The following HAT1 variants were observed in gnomAD, a reference collection of about 807,000 sequenced individuals.
HAT1 encodes histone acetyltransferase 1.
A neutral mutation model predicts 56.6 loss-of-function variants in HAT1; 20 were observed. The ratio of observed to expected loss-of-function variants is 0.35; its 90% CI spans 0.25 to 0.51. The LOEUF (loss-of-function observed/expected upper bound fraction) is 0.51, where lower values mean the gene tolerates loss of function less well. HAT1 is among the 20% of genes least tolerant of loss of function. The probability of loss-of-function intolerance (pLI) is 0.95; values close to 1 mark genes in which losing one functional copy is unlikely to be tolerated. For synonymous variants in HAT1, 146 were observed against 165.5 expected, an observed-to-expected ratio of 0.88 and a Z score of 0.91; for missense variants, 408 against 504.3, an observed-to-expected ratio of 0.81 and a Z score of 1.83.
At chr2:171,953,833 A>G (rs1687374752) in intron 4 of HAT1, among the ~76,000 whole-genome samples, 1 of 151,744 alleles carries the variant, frequency 6.6e-6, no homozygotes, top group Non-Finnish European at 1.5e-5. Flanking sequence ...CGTCTCTACT[A>G]AAAATACAAA....
At chr2:171,951,202 G>A (rs891642297) in intron 3 of HAT1, among the ~76,000 whole-genome samples, 1 of 152,142 alleles carries the variant, frequency 6.6e-6, no homozygotes, top group African/African-American at 2.4e-5. Context: ...GGCATTTTAT[G>A]TGCTTTCACA....
At chr2:171,955,089 G>A (rs62182443) in intron 4 of HAT1, among the ~76,000 whole-genome samples, 34,277 of 152,056 alleles carry the variant, frequency 0.23, 4,742 homozygotes, top group Middle Eastern at 0.37. Flanking sequence ...CCTCCAGACC[G>A]TAAGAGAATA....
intron 1 of HAT1, chr2:171,923,442 T>A (rs935144787): frequency 1.1e-4 from 16 of 150,924 alleles, no homozygotes; most frequent in Admixed American, 5.3e-4. Flanking sequence ...AAAAAAACAA[T>A]TTTTTTTAAC....
At chr2:171,970,938 C>T (rs1358107710) in intron 8 of HAT1, among the ~76,000 whole-genome samples, 4 of 151,922 alleles carry the variant, frequency 2.6e-5, no homozygotes, top group Non-Finnish European at 5.9e-5. Context: ...CCATGGCTCA[C>T]GCCTGTAATC....
intron 2 of HAT1, among the ~76,000 whole-genome samples, chr2:171,926,275 C>T (rs1226647836): frequency 6.6e-6 from 1 of 152,078 alleles, no homozygotes; most frequent in African/African-American, 2.4e-5. Context: ...GTGCACCACC[C>T]AAGCCTGGCT....
intron 2 of HAT1, among the ~76,000 whole-genome samples, chr2:171,929,080 A>T (rs115854633): frequency 0.025 from 3,734 of 152,320 alleles, 68 homozygotes; most frequent in Non-Finnish European, 0.039. Flanking sequence ...GTTATTCCAT[A>T]TCCTCACCAA....
At chr2:171,966,570 A>G in intron 7 of HAT1, 57 bp downstream of exon 7, 1 of 825,876 alleles carries the variant, frequency 1.2e-6, no homozygotes, top group Non-Finnish European at 2.2e-6. Flanking sequence ...GAACTGCTGA[A>G]GTTTCCAATA....
chr2:171,945,533 G>A (rs1318551659), intron 2 of HAT1, among the ~76,000 whole-genome samples: 8 of 137,222 alleles, frequency 5.8e-5, no homozygotes, highest in African/African-American at 1.7e-4. Flanking sequence ...AGTCTTTGTC[G>A]CCCAGGCTGG....
chr2:171,947,217 G>T (rs1456406131), intron 3 of HAT1, among the ~76,000 whole-genome samples: 3 of 151,990 alleles, frequency 2.0e-5, no homozygotes, highest in Non-Finnish European at 4.4e-5. Flanking sequence ...GTTATTCTAT[G>T]ATCAAATAAG....
intron 1 of HAT1, among the ~76,000 whole-genome samples, chr2:171,925,097 G>C: frequency 7.7e-6 from 1 of 129,282 alleles, no homozygotes; most frequent in South Asian, 2.4e-4. Context: ...TTTTGAGATG[G>C]AGTCTTGCTC....
At chr2:171,959,325 T>A (rs1436963956) in intron 4 of HAT1, among the ~76,000 whole-genome samples, 1 of 152,242 alleles carries the variant, frequency 6.6e-6, no homozygotes, top group Non-Finnish European at 1.5e-5. Flanking sequence ...GTAAACCCAC[T>A]GTTGGAGGGT....
chr2:171,922,718 C>T (rs943501596), intron 1 of HAT1: 19 of 403,810 alleles, frequency 4.7e-5, no homozygotes, highest in Non-Finnish European at 6.9e-5. Context: ...TGGGGTTCTG[C>T]GCCTTCTGCC....
chr2:171,946,357 G>T (rs558203049), intron 2 of HAT1, among the ~76,000 whole-genome samples: 1 of 152,334 alleles, frequency 6.6e-6, no homozygotes, highest in South Asian at 2.1e-4. Flanking sequence ...TTCATTTGCT[G>T]TAACTTCTTA....
chr2:171,973,030 T>A (rs555750280), intron 8 of HAT1, among the ~76,000 whole-genome samples: 1 of 152,320 alleles, frequency 6.6e-6, no homozygotes, highest in Admixed American at 6.5e-5. Flanking sequence ...GCCTTTGTAC[T>A]TTTGTTGGCA....
Position 171,970,496 on chromosome 2 carries a change from C to CT in HAT1, c.823+3588dup, listed in dbSNP as rs61462189. ...TAAATCAGTATTAGCAATGCAGTTT[C>CT]TTTTTTTTTTTTTTTTTTTTTTTTT... On this transcript the variant is annotated intron_variant, in intron 8 of 10. Coordinates refer to ENST00000264108, the MANE Select transcript of HAT1 (RefSeq NM_003642.4). Among the ~76,000 whole-genome samples, 22 of 74,986 alleles carry CT rather than the reference C, an allele frequency of 2.9e-4. 4 individuals are homozygous for CT. Among genetic ancestry groups the CT allele is most frequent in the African/African-American group, 9.5e-4 (14 of 14,796 alleles). The allele number at this position is 74,986 out of a possible 152,430, so 49.2% of individuals were successfully genotyped here.
intron 4 of HAT1, among the ~76,000 whole-genome samples, chr2:171,958,290 G>A (rs1444693194): frequency 6.6e-6 from 1 of 151,422 alleles, no homozygotes; most frequent in African/African-American, 2.4e-5. Context: ...GTTCTAAGAG[G>A]ATCCAGGCTC....
intron 2 of HAT1, among the ~76,000 whole-genome samples, chr2:171,939,799 T>C (rs1022408377): frequency 3.3e-5 from 5 of 150,986 alleles, no homozygotes; most frequent in East Asian, 1.9e-4. Flanking sequence ...TTTTTTTCTT[T>C]TTTTTTTTTT....
chr2:171,979,472 AC>A, intron 10 of HAT1, 109 bp downstream of exon 10: 1 of 654,674 alleles, frequency 1.5e-6, no homozygotes, highest in Non-Finnish European at 2.8e-6. Flanking sequence ...TGTAAAATTA[AC>A]TTTTACAAAA....
chr2:171,930,782 AT>A (rs78543550), intron 2 of HAT1, among the ~76,000 whole-genome samples: 83 of 145,118 alleles, frequency 5.7e-4, no homozygotes, highest in Non-Finnish European at 5.6e-4. Flanking sequence ...GCTTGGCAAA[AT>A]TTTTTTTTTT....
Sources: allele counts gnomAD v4.1 joint callset (sites outside exome capture counted in the v4.1 genomes callset), GRCh38; gene constraint gnomAD v4.1.1; transcripts MANE v1.5; gene names NCBI Gene and HGNC (gene_info 2026-07-23, HGNC 2026-07-21).